The following LRFN5 variants were observed in gnomAD, a reference collection of about 807,000 sequenced individuals.
LRFN5 encodes the protein leucine-rich repeat and fibronectin type-III domain-containing protein 5.
In LRFN5, 24 loss-of-function variants were observed where a neutral mutation model predicts 45.6. That is an observed-to-expected ratio of 0.53 (90% CI 0.38 to 0.74). The LOEUF (loss-of-function observed/expected upper bound fraction) is 0.74. Among genes scored for constraint, LRFN5 ranks in the 30% least tolerant of loss-of-function variants. The pLI is 0.00. For missense variants in LRFN5, 776 were observed against 861.5 expected (o/e 0.90, Z 1.24); for synonymous variants, 340 against 313.8 (o/e 1.08, Z -0.88).
chr14:41,897,074 G>C (rs947971845), intron 4 of LRFN5, among the ~76,000 whole-genome samples: 6 of 151,214 alleles, frequency 4.0e-5, no homozygotes, highest in Non-Finnish European at 8.8e-5. Context: ...CCTGGTGACA[G>C]AGTGAGACTC....
intron 2 of LRFN5, among the ~76,000 whole-genome samples, chr14:41,854,716 G>A (rs1889393089): frequency 6.6e-6 from 1 of 152,102 alleles, no homozygotes; most frequent in African/African-American, 2.4e-5. Flanking sequence ...TTGAGAATGT[G>A]CAGCTTGTGC....
Position 41,780,250 on chromosome 14 carries a change from A to G in LRFN5, c.-21+13221A>G, listed in dbSNP as rs1886434582. 2.0e-5 allele frequency among the ~76,000 whole-genome samples: 3 copies of G among 152,060 alleles called. No individual in the cohort carries two copies. The South Asian group carries it at 6.2e-4, about 31-fold the overall frequency. On this transcript the variant is annotated intron_variant, in intron 2 of 5. Transcript: ENST00000298119. ...ATTTTCAAGCTATCTTTCTGTTATT[A>G]ATTTAATTACATTTATTTCCATAGT...
chr14:41,826,446 T>C (rs550001517), intron 2 of LRFN5, among the ~76,000 whole-genome samples: 1 of 152,192 alleles, frequency 6.6e-6, no homozygotes, highest in African/African-American at 2.4e-5. Flanking sequence ...TAATACTCTG[T>C]CTTCATTCTT....
chr14:41,789,736 A>G (rs1040395450), intron 2 of LRFN5, among the ~76,000 whole-genome samples: 5 of 151,682 alleles, frequency 3.3e-5, no homozygotes, highest in African/African-American at 1.2e-4. Context: ...TCTAATTTTA[A>G]TTTTCCCATC....
rs118068355 is a variant in LRFN5, at chr14:41,840,670, G to A, written c.-20-45936G>A. On this transcript the variant is annotated intron_variant, in intron 2 of 5. Transcript: ENST00000298119. ...CCTCATCCCTTAAGTAGGGAAAATT[G>A]TAACCTTGCCATTATATTATTTTAT... Among the ~76,000 whole-genome samples, 123 of 152,030 alleles carry A rather than the reference G, an allele frequency of 8.1e-4. 2 individuals are homozygous for A. In the East Asian group the frequency reaches 0.012, roughly 15 times the overall value.
chr14:41,755,621 G>T (rs1297111830), intron 1 of LRFN5, among the ~76,000 whole-genome samples: 5 of 152,106 alleles, frequency 3.3e-5, no homozygotes, highest in Non-Finnish European at 7.4e-5. Context: ...TTGCTTGGTA[G>T]ATCTTCCTCC....
At chr14:41,736,232 A>G (rs1884424818) in intron 1 of LRFN5, among the ~76,000 whole-genome samples, 1 of 152,162 alleles carries the variant, frequency 6.6e-6, no homozygotes, top group Non-Finnish European at 1.5e-5. Flanking sequence ...ACAGTGTAAT[A>G]GCGTTACTAT....
At chr14:41,626,794 G>A (rs1888350359) in intron 1 of LRFN5, among the ~76,000 whole-genome samples, 1 of 151,972 alleles carries the variant, frequency 6.6e-6, no homozygotes, top group Non-Finnish European at 1.5e-5. Context: ...TTACTCTGAT[G>A]TATTAGACAA....
Position 41,808,197 on chromosome 14 carries a change from G to GGGAAGGAAGGAAGGAAGGAAGGAA in LRFN5, c.-21+41185_-21+41208dup, listed in dbSNP as rs141262386. On this transcript the variant is annotated intron_variant, in intron 2 of 5. Transcript: ENST00000298119. ...GGAGGGAGGAAGAAGAGGAAGTAGA[G>GGGAAGGAAGGAAGGAAGGAAGGAA]GGAAGGAAGGAAGGAAGGAAGGAAG... Among the ~76,000 whole-genome samples the GGGAAGGAAGGAAGGAAGGAAGGAA allele has an allele frequency of 2.4e-3, 242 of 101,096 alleles. 6 individuals are homozygous for GGGAAGGAAGGAAGGAAGGAAGGAA. Among genetic ancestry groups the GGGAAGGAAGGAAGGAAGGAAGGAA allele is most frequent in the African/African-American group, 8.6e-3 (204 of 23,772 alleles). The allele number at this position is 101,096 out of a possible 152,430, so 66.3% of individuals were successfully genotyped here. A position where few individuals can be genotyped will look rare whatever the true frequency, so the allele number is the denominator to read the frequency against.
intron 2 of LRFN5, among the ~76,000 whole-genome samples, chr14:41,836,874 G>A (rs1342170886): frequency 1.3e-5 from 2 of 152,036 alleles, no homozygotes; most frequent in East Asian, 3.9e-4. Context: ...CTTTCCTAAG[G>A]AGTGAGGAAG....
At chr14:41,850,647 T>G (rs1419518295) in intron 2 of LRFN5, among the ~76,000 whole-genome samples, 1 of 151,834 alleles carries the variant, frequency 6.6e-6, no homozygotes, top group East Asian at 1.9e-4. Context: ...ATTATAGATA[T>G]ATTTTCTTTC....
chr14:41,801,713 A>G (rs2023562), intron 2 of LRFN5, among the ~76,000 whole-genome samples: 22,895 of 152,170 alleles, frequency 0.15, 1,859 homozygotes, highest in Non-Finnish European at 0.18. Context: ...ATGGTAAATA[A>G]CTTTTTTCTC....
At chr14:41,848,721 C>G (rs1052955711) in intron 2 of LRFN5, among the ~76,000 whole-genome samples, 3 of 151,968 alleles carry the variant, frequency 2.0e-5, no homozygotes, top group African/African-American at 7.2e-5. Flanking sequence ...CATAGATTAC[C>G]AGGACTGACT....
intron 1 of LRFN5, among the ~76,000 whole-genome samples, chr14:41,610,785 T>G (rs370420198): frequency 6.8e-6 from 1 of 147,746 alleles, no homozygotes; most frequent in Admixed American, 6.8e-5. Flanking sequence ...TCTTTTTTTT[T>G]GTCTTTTAAT....
chr14:41,786,543 G>GT (rs71105403), intron 2 of LRFN5, among the ~76,000 whole-genome samples: 1,953 of 142,394 alleles, frequency 0.014, 41 homozygotes, highest in African/African-American at 0.042. Context: ...CTCTTTATGA[G>GT]TTTTTTTTTT....
rs5808162 is a variant in LRFN5 at position 41,889,110 on chromosome 14, G to GTCTCTC, written c.1385+1105_1385+1106insCTCTCT. Among the ~76,000 whole-genome samples the GTCTCTC allele has an allele frequency of 2.3e-3, 335 of 147,442 alleles. 2 individuals carry two copies. The highest frequency in any genetic ancestry group is 3.0e-3 in the Non-Finnish European group (199 of 66,900). ...TATATATATATGTCTATATATATATGTCTCTATATATATATATATATTCTG... is the reference window on the plus strand; with the variant it reads ...TATATATATATGTCTATATATATATGTCTCTCTCTCTATATATATATATATATTCTG... On this transcript the variant is annotated intron_variant, in intron 3 of 5. Coordinates refer to ENST00000298119, the MANE Select transcript of LRFN5 (RefSeq NM_152447.5).
At position 41,888,052 on chromosome 14, in the gene LRFN5, T is replaced by A. The variant is rs969350108; in HGVS notation, c.1385+42T>A. ...AAATTTGTATACTTACCATGCATCT[T>A]AGTGTAGAATTTGTTAATGTACTAC... On this transcript the variant is annotated intron_variant, in intron 3 of 5. Coordinates refer to ENST00000298119, the MANE Select transcript of LRFN5 (RefSeq NM_152447.5). The A allele has an allele frequency of 2.1e-6, 3 of 1,455,698 alleles. No individual in the cohort carries two copies. The African/African-American group carries it at 4.2e-5, about 21-fold the overall frequency. 90.2% of individuals were successfully genotyped at this position (1,455,698 alleles called of 1,614,324 possible). A position where few individuals can be genotyped will look rare whatever the true frequency, so the allele number is the denominator to read the frequency against.
At chr14:41,838,223 C>T (rs368048869) in intron 2 of LRFN5, among the ~76,000 whole-genome samples, 7 of 152,096 alleles carry the variant, frequency 4.6e-5, no homozygotes, top group Admixed American at 3.3e-4. Context: ...TTATTTTTCT[C>T]CTTTGATGAT....
chr14:41,629,772 A>C (rs1888472108), intron 1 of LRFN5, among the ~76,000 whole-genome samples: 1 of 152,164 alleles, frequency 6.6e-6, no homozygotes, highest in South Asian at 2.1e-4. Context: ...CCCATACTGC[A>C]CTCAAATCAT....
Sources: allele counts gnomAD v4.1 joint callset (sites outside exome capture counted in the v4.1 genomes callset), GRCh38; gene constraint gnomAD v4.1.1; transcripts MANE v1.5; gene names NCBI Gene and HGNC (gene_info 2026-07-23, HGNC 2026-07-21).